Variants in GRID1 observed in about 807,000 individuals in gnomAD.
The protein encoded by GRID1 is glutamate receptor ionotropic, delta-1.
GRID1 carries 28 observed loss-of-function variants against 98.0 expected under a neutral mutation model. That is an observed-to-expected ratio of 0.29 (90% CI 0.21 to 0.39). The LOEUF is 0.39. Among genes scored for constraint, GRID1 ranks in the 10% least tolerant of loss-of-function variants. GRID1 has a pLI of 1.00. For synonymous variants in GRID1, 553 were observed against 538.5 expected (o/e 1.03, Z -0.37); for missense variants, 1,111 against 1,340.5 (o/e 0.83, Z 2.67).
At chr10:86,250,710 GC>G (rs1159857089) in intron 2 of GRID1, among the ~76,000 whole-genome samples, 2 of 151,506 alleles carry the variant, frequency 1.3e-5, no homozygotes, top group Non-Finnish European at 3.0e-5. Flanking sequence ...CCCAGCCGCC[GC>G]CCCGTCTGGG....
intron 14 of GRID1, among the ~76,000 whole-genome samples, chr10:85,614,805 T>C (rs1842770232): frequency 6.6e-6 from 1 of 152,142 alleles, no homozygotes; most frequent in African/African-American, 2.4e-5. Flanking sequence ...CCATGCTGCT[T>C]CTATACTCCC....
intron 4 of GRID1, among the ~76,000 whole-genome samples, chr10:85,983,105 T>C (rs1334952571): frequency 1.3e-5 from 2 of 152,204 alleles, no homozygotes; most frequent in Non-Finnish European, 2.9e-5. Flanking sequence ...GAGCCAGCCA[T>C]GGCCTGGACA....
At chr10:85,816,870 C>G (rs1285413879) in intron 8 of GRID1, among the ~76,000 whole-genome samples, 1 of 152,116 alleles carries the variant, frequency 6.6e-6, no homozygotes, top group African/African-American at 2.4e-5. Flanking sequence ...TCTTCACCCT[C>G]AAGTAGACCC....
chr10:86,247,839 T>C (rs1846756406), intron 2 of GRID1, among the ~76,000 whole-genome samples: 1 of 152,146 alleles, frequency 6.6e-6, no homozygotes, highest in African/African-American at 2.4e-5. Context: ...CAAGGAGGCC[T>C]GGCATAGGCA....
intron 8 of GRID1, among the ~76,000 whole-genome samples, chr10:85,740,336 A>C (rs573125646): frequency 2.2e-4 from 34 of 152,258 alleles, no homozygotes; most frequent in African/African-American, 7.7e-4. Context: ...CTCTCCTCTT[A>C]AGTCTCTATT....
intron 8 of GRID1, among the ~76,000 whole-genome samples, chr10:85,833,260 C>T (rs1430167133): frequency 2.0e-5 from 3 of 152,158 alleles, no homozygotes; most frequent in Non-Finnish European, 4.4e-5. Flanking sequence ...GTCACAAGTG[C>T]CCTGCCTGGG....
intron 3 of GRID1, among the ~76,000 whole-genome samples, chr10:86,179,518 G>A (rs1845624925): frequency 6.6e-6 from 1 of 152,162 alleles, no homozygotes; most frequent in Non-Finnish European, 1.5e-5. Context: ...CTTGTCCAAG[G>A]TCACACAATT....
chr10:85,929,075 T>TG (rs994891853), intron 4 of GRID1, among the ~76,000 whole-genome samples: 1 of 152,176 alleles, frequency 6.6e-6, no homozygotes, highest in Non-Finnish European at 1.5e-5. Flanking sequence ...GAAAATGCTA[T>TG]GGGGGCAGGT....
intron 8 of GRID1, among the ~76,000 whole-genome samples, chr10:85,751,075 A>C (rs1230911606): frequency 6.6e-6 from 1 of 152,160 alleles, no homozygotes; most frequent in Non-Finnish European, 1.5e-5. Flanking sequence ...GCTCTGGGAG[A>C]AAAGGACATG....
In GRID1 at chr10:85,613,432, C is replaced by T. The variant is rs756028242; in HGVS notation, c.2576G>A (p.Arg859Gln). The T allele has an allele frequency of 2.5e-6, 4 of 1,613,326 alleles. No homozygotes were observed. Among genetic ancestry groups the T allele is most frequent in the African/African-American group, 1.3e-5 (1 of 74,912 alleles). ...AALELWWNSN[R>Q]CHQETPKEDK... The stretch of plus-strand genomic sequence containing the variant: ...CTCCTTGGGGGTCTCCTGGTGGCAC[C>T]GGTTGCTGTTCCACCACAACTCCAG... Residue 859 changes from arginine to glutamine, a missense_variant, in exon 15 of 16, where the codon CGG (arginine) becomes CAG (glutamine). This residue lies in a region of GRID1 where 762 missense variants were observed against 869.1 expected (regional missense o/e 0.88). Transcript: ENST00000327946.
chr10:85,906,310 T>C (rs1415323390), intron 5 of GRID1, among the ~76,000 whole-genome samples: 1 of 152,074 alleles, frequency 6.6e-6, no homozygotes, highest in Non-Finnish European at 1.5e-5. Context: ...TAAGGATGAG[T>C]ATTTTAATAC....
chr10:85,743,331 G>A (rs961619288), intron 8 of GRID1, among the ~76,000 whole-genome samples: 5 of 152,104 alleles, frequency 3.3e-5, no homozygotes, highest in African/African-American at 1.2e-4. Flanking sequence ...GTGTCATTGA[G>A]TGACTTTAGT....
rs1842714813 is a variant in GRID1 at position 85,816,213 on chromosome 10, A to G, written c.1233+38283T>C. On this transcript the variant is annotated intron_variant, in intron 8 of 15. Transcript: ENST00000327946. ...TGAATTAAAACTTACTTTTACATAAATATCTTTACAAAAATTTTGATAATG... is the reference window on the plus strand; with the variant it reads ...TGAATTAAAACTTACTTTTACATAAGTATCTTTACAAAAATTTTGATAATG... Among the ~76,000 whole-genome samples the G allele has an allele frequency of 2.0e-5, 3 of 152,202 alleles. No individual in the cohort carries two copies. In the South Asian group the frequency reaches 6.2e-4, roughly 31 times the overall value.
chr10:85,699,012 AT>A (rs1841423691), intron 12 of GRID1, among the ~76,000 whole-genome samples: 1 of 151,270 alleles, frequency 6.6e-6, no homozygotes, highest in African/African-American at 2.4e-5. Flanking sequence ...TCATAGTTGA[AT>A]TTTTTTGTTT....
chr10:86,356,559 G>A (rs1475670594), intron 2 of GRID1, among the ~76,000 whole-genome samples: 2 of 152,220 alleles, frequency 1.3e-5, no homozygotes, highest in African/African-American at 4.8e-5. Context: ...CTCTGGCACA[G>A]CAACTGGCAA....
At chr10:86,232,489 G>A (rs1034239799) in intron 2 of GRID1, among the ~76,000 whole-genome samples, 1 of 152,182 alleles carries the variant, frequency 6.6e-6, no homozygotes, top group African/African-American at 2.4e-5. Flanking sequence ...TGCCTCTCCT[G>A]TTGTATTTCC....
Position 85,759,674 on chromosome 10 carries a change from C to A in GRID1, c.1234-30060G>T, listed in dbSNP as rs1842129946. Reference sequence around the variant, plus strand: ...GAAACAAATTAAGTGAAGGCGAAATCATGTTTCTTTAAAGCATGAATACTG... The same window carrying A: ...GAAACAAATTAAGTGAAGGCGAAATAATGTTTCTTTAAAGCATGAATACTG... On this transcript the variant is annotated intron_variant, in intron 8 of 15. Transcript: ENST00000327946. Among the ~76,000 whole-genome samples the A allele has an allele frequency of 2.6e-5, 4 of 152,164 alleles. No homozygotes were observed. In the South Asian group the frequency reaches 8.3e-4, roughly 31 times the overall value.
At chr10:86,108,453 T>C (rs946699507) in intron 4 of GRID1, among the ~76,000 whole-genome samples, 1 of 152,208 alleles carries the variant, frequency 6.6e-6, no homozygotes, top group Non-Finnish European at 1.5e-5. Flanking sequence ...TTGTCCTATT[T>C]TTCTCCTCTG....
At chr10:86,116,365 C>A (rs1386554020) in intron 4 of GRID1, among the ~76,000 whole-genome samples, 4 of 152,186 alleles carry the variant, frequency 2.6e-5, no homozygotes, top group Non-Finnish European at 4.4e-5. Flanking sequence ...CCCCTAGAAT[C>A]TGTCAGGCAC....
Sources: gnomAD v4.1 joint callset for allele counts (sites outside exome capture counted in the v4.1 genomes callset) on GRCh38, gnomAD v4.1.1 for gene constraint, gnomAD v4.1.1 regional missense constraint, MANE v1.5 for transcripts, NCBI Gene and HGNC (gene_info 2026-07-23, HGNC 2026-07-21) for gene names.